The following HEYL variants were observed in gnomAD, a reference collection of about 807,000 sequenced individuals.
HEYL encodes hairy/enhancer-of-split related with YRPW motif-like protein.
HEYL carries 12 observed loss-of-function variants against 18.6 expected under a neutral mutation model. The ratio of observed to expected loss-of-function variants is 0.65; its 90% CI spans 0.41 to 1.05. HEYL has a LOEUF of 1.05. Among genes scored for constraint, HEYL ranks in the 50% least tolerant of loss-of-function variants. HEYL has a pLI of 0.00. For missense variants in HEYL, 420 were observed against 444.7 expected (o/e 0.94, Z 0.50); for synonymous variants, 159 against 179.6 (o/e 0.89, Z 0.91).
At chr1:39,631,475 A>T (rs1474726455) in intron 3 of HEYL, 21 bp downstream of exon 3, 1 of 1,609,060 alleles carries the variant, frequency 6.2e-7, no homozygotes, top group Admixed American at 1.7e-5. Flanking sequence ...TTCCTCTAGC[A>T]CAATCAGCAA....
In HEYL at chr1:39,623,897, T is replaced by C. The variant is rs907763918; in HGVS notation, c.*2610A>G. On this transcript the variant is annotated 3_prime_UTR_variant, in exon 5 of 5. Transcript: ENST00000372852. The stretch of plus-strand genomic sequence containing the variant: ...GCAAGAAATGAGGCTGGAAATGAGG[T>C]TGGGACCAAAAGAAGACCTTTAGAA... 2.0e-5 allele frequency among the ~76,000 whole-genome samples: 3 copies of C among 152,030 alleles called. No individual in the cohort carries two copies. Among genetic ancestry groups the C allele is most frequent in the African/African-American group, 4.8e-5 (2 of 41,396 alleles).
Position 39,624,864 on chromosome 1 carries a change from T to G in HEYL, c.*1643A>C, listed in dbSNP as rs1424007214. Reference sequence around the variant, plus strand: ...AGGAGTCTGTCTTTTCAAAAGAGCTTTCTGGGTCACTCAATGATCTCCTCC... The same window carrying G: ...AGGAGTCTGTCTTTTCAAAAGAGCTGTCTGGGTCACTCAATGATCTCCTCC... On this transcript the variant is annotated 3_prime_UTR_variant, in exon 5 of 5. Transcript: ENST00000372852. 1.3e-5 allele frequency: 2 copies of G among 152,222 alleles called. No homozygotes were observed. The highest frequency in any genetic ancestry group is 2.9e-5 in the Non-Finnish European group (2 of 68,040). The allele number at this position is 152,222 out of a possible 1,614,324, so 9.4% of individuals were successfully genotyped here. A position where few individuals can be genotyped will look rare whatever the true frequency, so the allele number is the denominator to read the frequency against.
intron 1 of HEYL, 72 bp from the exon 2 acceptor site, chr1:39,632,787 C>G (rs772127252): frequency 3.7e-5 from 58 of 1,587,172 alleles, no homozygotes; most frequent in Non-Finnish European, 4.8e-5. Flanking sequence ...GACCTCGGGC[C>G]AGGAGGAGCC....
intron 4 of HEYL, among the ~76,000 whole-genome samples, chr1:39,629,672 G>A (rs987361008): frequency 5.9e-5 from 9 of 152,310 alleles, no homozygotes; most frequent in Admixed American, 5.2e-4. Flanking sequence ...ATTTCTATTT[G>A]TCTGGAAGTG....
chr1:39,633,144 C>G (rs1359974681), intron 1 of HEYL: 2 of 983,060 alleles, frequency 2.0e-6, no homozygotes, highest in East Asian at 1.1e-4. Context: ...TCCCACGGGC[C>G]GGGCGCGCCG....
chr1:39,632,558 A>G, intron 2 of HEYL, 91 bp downstream of exon 2: 1 of 1,158,810 alleles, frequency 8.6e-7, no homozygotes, highest in Non-Finnish European at 1.2e-6. Flanking sequence ...TCATGGTGAA[A>G]TTTCTGCCTA....
intron 1 of HEYL, among the ~76,000 whole-genome samples, chr1:39,636,645 G>A (rs1322752102): frequency 6.6e-6 from 1 of 151,486 alleles, no homozygotes; most frequent in Non-Finnish European, 1.5e-5. Flanking sequence ...CAGAGCCAGT[G>A]CTTTTTGTTC....
chr1:39,628,854 G>A (rs1305076702), intron 4 of HEYL, among the ~76,000 whole-genome samples: 8 of 151,920 alleles, frequency 5.3e-5, no homozygotes, highest in Non-Finnish European at 7.4e-5. Flanking sequence ...CGCCTGTTTC[G>A]GCCTCCTAAA....
At chr1:39,632,906 C>A in intron 1 of HEYL, 191 bp from the exon 2 acceptor site, 1 of 985,336 alleles carries the variant, frequency 1.0e-6, no homozygotes. Context: ...GGCTCTTGGT[C>A]CGGACCTGCT....
At position 39,623,687 on chromosome 1, in the gene HEYL, GA is replaced by G; in HGVS notation, c.*2819del. Among the ~76,000 whole-genome samples the G allele has an allele frequency of 6.6e-6, 1 of 152,386 alleles. No homozygotes were observed. Among genetic ancestry groups the G allele is most frequent in the East Asian group, 1.9e-4 (1 of 5,186 alleles). On this transcript the variant is annotated 3_prime_UTR_variant, in exon 5 of 5. Coordinates refer to ENST00000372852, the MANE Select transcript of HEYL (RefSeq NM_014571.4). ...TAAAGTAGTCGAGGAAGGCCTCTTG[GA>G]CGAGGCAACGTTGAAGCCAAGGCCT...
In HEYL at chr1:39,626,226, G is replaced by A; in HGVS notation, c.*281C>T. 2.7e-6 allele frequency: 1 copy of A among 375,748 alleles called. No individual in the cohort carries two copies. Among genetic ancestry groups the A allele is most frequent in the East Asian group, 4.3e-5 (1 of 23,042 alleles). 23.3% of individuals were successfully genotyped at this position (375,748 alleles called of 1,614,324 possible). On this transcript the variant is annotated 3_prime_UTR_variant, in exon 5 of 5. Coordinates refer to ENST00000372852, the MANE Select transcript of HEYL (RefSeq NM_014571.4). ...TGTGCAGAGGGCAGGAGAGGGGTCT[G>A]GGCGGATCTCTGAGGGTCTCTCCCA...
chr1:39,637,533 G>A (rs934151167), intron 1 of HEYL, among the ~76,000 whole-genome samples: 1 of 152,160 alleles, frequency 6.6e-6, no homozygotes, highest in Admixed American at 6.5e-5. Flanking sequence ...AGCAGGCATC[G>A]TTCAGTGCTC....
At position 39,632,735 on chromosome 1, in the gene HEYL, C is replaced by G. The variant is rs1057170125; in HGVS notation, c.81-20G>C. ...ATCTGGCTGGAAAGGAAAAGAAAAG[C>G]TGATTTTTCAGGGCTGGGGGACAGT... On this transcript the variant is annotated intron_variant, in intron 1 of 4. Transcript: ENST00000372852. 1.9e-6 allele frequency: 3 copies of G among 1,613,562 alleles called. No individual in the cohort carries two copies. Among genetic ancestry groups the G allele is most frequent in the African/African-American group, 2.7e-5 (2 of 74,944 alleles).
At chr1:39,628,439 C>T (rs1170813208) in intron 4 of HEYL, among the ~76,000 whole-genome samples, 1 of 152,022 alleles carries the variant, frequency 6.6e-6, no homozygotes, top group Non-Finnish European at 1.5e-5. Flanking sequence ...GCCATCACAG[C>T]GACTAATTTT....
chr1:39,637,008 G>A (rs950498068), intron 1 of HEYL, among the ~76,000 whole-genome samples: 1 of 152,180 alleles, frequency 6.6e-6, no homozygotes, highest in East Asian at 1.9e-4. Flanking sequence ...CATTTTGAAC[G>A]CGAGAAAACT....
At chr1:39,632,504 G>C in intron 2 of HEYL, 145 bp downstream of exon 2, 1 of 751,410 alleles carries the variant, frequency 1.3e-6, no homozygotes, top group Non-Finnish European at 2.2e-6. Context: ...GAATCACCCT[G>C]ATAGCTAGTG....
intron 1 of HEYL, 101 bp from the exon 2 acceptor site, chr1:39,632,816 G>T: frequency 6.4e-7 from 1 of 1,554,650 alleles, no homozygotes; most frequent in Non-Finnish European, 8.7e-7. Flanking sequence ...GGCCTAGAAG[G>T]AGCAGCTTGC....
At chr1:39,630,148 G>C in intron 4 of HEYL, 79 bp downstream of exon 4, 2 of 1,237,344 alleles carry the variant, frequency 1.6e-6, no homozygotes, top group Non-Finnish European at 2.4e-6. Flanking sequence ...TGTGGACTTT[G>C]CTCACCAGCA....
In HEYL at chr1:39,626,701, T is replaced by G; in HGVS notation, c.793A>C (p.Arg265=). 4.0e-6 allele frequency: 6 copies of G among 1,507,280 alleles called. No individual in the cohort carries two copies. The highest frequency in any genetic ancestry group is 5.3e-6 in the Non-Finnish European group (6 of 1,125,078). 93.4% of individuals were successfully genotyped at this position (1,507,280 alleles called of 1,614,324 possible). ...ATPVPVAPSS[R]AARSSHIAPL... ...GCGATGTGGCTGCTCCTGGCAGCCC[T>G]GCTGCTGGGGGCGACAGGCACAGGG... The change falls in exon 5 of 5, where the codon AGG becomes CGG. Residue 265 remains arginine (R), a synonymous_variant. Coordinates refer to ENST00000372852, the MANE Select transcript of HEYL (RefSeq NM_014571.4).
Sources: gnomAD v4.1 joint callset for allele counts (sites outside exome capture counted in the v4.1 genomes callset) on GRCh38, gnomAD v4.1.1 for gene constraint, MANE v1.5 for transcripts, NCBI Gene and HGNC (gene_info 2026-07-23, HGNC 2026-07-21) for gene names.